The following RBFOX1 variants were observed in gnomAD, a reference collection of about 807,000 sequenced individuals.
RBFOX1 encodes RNA binding protein fox-1 homolog 1.
A neutral mutation model predicts 57.7 loss-of-function variants in RBFOX1; 8 were observed. The ratio of observed to expected loss-of-function variants is 0.14; its 90% CI spans 0.08 to 0.25. RBFOX1 has a LOEUF of 0.25. RBFOX1 is among the 10% of genes least tolerant of loss of function. RBFOX1 has a pLI of 1.00. For missense variants in RBFOX1, 611 were observed against 548.5 expected (o/e 1.11, Z -1.14); for synonymous variants, 326 against 222.4 (o/e 1.47, Z -4.15).
At chr16:6,065,775 C>T (rs372308384) in intron 1 of RBFOX1, among the ~76,000 whole-genome samples, 1 of 152,176 alleles carries the variant, frequency 6.6e-6, no homozygotes, top group South Asian at 2.1e-4. Flanking sequence ...ATAACAGCCT[C>T]ATGGGATGAA....
intron 4 of RBFOX1, among the ~76,000 whole-genome samples, chr16:5,988,810 T>G (rs1202478294): frequency 2.0e-5 from 3 of 152,094 alleles, no homozygotes; most frequent in East Asian, 1.9e-4. Flanking sequence ...AAATTCAGCT[T>G]AAATGCATAG....
intron 3 of RBFOX1, among the ~76,000 whole-genome samples, chr16:5,735,289 A>C (rs1339360755): frequency 1.3e-5 from 2 of 152,200 alleles, no homozygotes; most frequent in Non-Finnish European, 2.9e-5. Context: ...CATGGCTTCC[A>C]TTACTCAAAC....
intron 2 of RBFOX1, among the ~76,000 whole-genome samples, chr16:6,562,243 AAGACCTGATTACC>A (rs1379735707): frequency 1.3e-5 from 2 of 152,234 alleles, no homozygotes; most frequent in Non-Finnish European, 2.9e-5. Context: ...TAACCACTTT[AAGACCTGATTACC>A]TTATCTGTAC....
intron 1 of RBFOX1, among the ~76,000 whole-genome samples, chr16:5,383,109 A>G (rs1380082920): frequency 6.6e-6 from 1 of 152,238 alleles, no homozygotes; most frequent in Non-Finnish European, 1.5e-5. Flanking sequence ...TGGATGTTCC[A>G]TCTGCCTAAT....
At chr16:6,539,690 C>A (rs150638234) in intron 2 of RBFOX1, among the ~76,000 whole-genome samples, 3 of 151,782 alleles carry the variant, frequency 2.0e-5, no homozygotes, top group South Asian at 4.2e-4. Context: ...CCCAGCTCCA[C>A]GGGAGGCTGA....
intron 2 of RBFOX1, among the ~76,000 whole-genome samples, chr16:5,527,472 G>A (rs541199845): frequency 1.3e-5 from 2 of 152,306 alleles, no homozygotes; most frequent in South Asian, 2.1e-4. Flanking sequence ...GATGAAAAGA[G>A]CTTCTCTGTG....
At chr16:5,987,483 C>G (rs957633132) in intron 4 of RBFOX1, among the ~76,000 whole-genome samples, 13 of 152,112 alleles carry the variant, frequency 8.5e-5, no homozygotes, top group Admixed American at 8.5e-4. Flanking sequence ...TTATATTTTT[C>G]AAAGCTTTTT....
intron 3 of RBFOX1, among the ~76,000 whole-genome samples, chr16:6,997,363 G>A (rs972008166): frequency 5.9e-5 from 9 of 152,102 alleles, no homozygotes; most frequent in African/African-American, 1.9e-4. Context: ...TGACTTAAAG[G>A]TACAATTGTC....
At chr16:7,423,535 T>C (rs2098567397) in intron 4 of RBFOX1, among the ~76,000 whole-genome samples, 1 of 152,080 alleles carries the variant, frequency 6.6e-6, no homozygotes, top group African/African-American at 2.4e-5. Flanking sequence ...AAAACTTCTG[T>C]CACCATCTGT....
chr16:5,423,317 C>G (rs569378293), intron 1 of RBFOX1, among the ~76,000 whole-genome samples: 1 of 152,104 alleles, frequency 6.6e-6, no homozygotes, highest in African/African-American at 2.4e-5. Context: ...TTCACTGTCA[C>G]CGGTTTTCAC....
chr16:7,080,057 T>A (rs62014094), intron 4 of RBFOX1, among the ~76,000 whole-genome samples: 1 of 130,750 alleles, frequency 7.6e-6, no homozygotes, highest in African/African-American at 2.8e-5. Flanking sequence ...TATATATACA[T>A]ATTATATATA....
intron 4 of RBFOX1, among the ~76,000 whole-genome samples, chr16:7,209,416 C>G (rs1396542989): frequency 1.3e-5 from 2 of 152,178 alleles, no homozygotes; most frequent in Non-Finnish European, 2.9e-5. Context: ...CTAGTGACCT[C>G]ATTTTAACTT....
At chr16:5,959,134 G>A (rs1454848353) in intron 4 of RBFOX1, among the ~76,000 whole-genome samples, 1 of 152,194 alleles carries the variant, frequency 6.6e-6, no homozygotes, top group Non-Finnish European at 1.5e-5. Flanking sequence ...GTGTAAGGAG[G>A]TCAAGGACAG....
chr16:5,596,703 T>C (rs916482114), intron 2 of RBFOX1, among the ~76,000 whole-genome samples: 2 of 152,184 alleles, frequency 1.3e-5, no homozygotes, highest in Non-Finnish European at 2.9e-5. Context: ...GGTCCATCTA[T>C]AAAGTGGGAC....
At position 6,061,520 on chromosome 16, in the gene RBFOX1, T is replaced by A. The variant is rs539026993; in HGVS notation, c.-127+41528T>A. 3.2e-4 allele frequency among the ~76,000 whole-genome samples: 49 copies of A among 151,756 alleles called. 1 individual carries two copies. Among genetic ancestry groups the A allele is most frequent in the African/African-American group, 1.2e-3 (49 of 41,436 alleles). On this transcript the variant is annotated intron_variant, in intron 1 of 15. Transcript: ENST00000550418. Reference sequence around the variant, plus strand: ...TGGTAATATAGTATATTGTTACAAATATCTGAAAATATATAATGTAATTAT... The same window carrying A: ...TGGTAATATAGTATATTGTTACAAAAATCTGAAAATATATAATGTAATTAT...
intron 3 of RBFOX1, among the ~76,000 whole-genome samples, chr16:6,853,186 C>G (rs1567563692): frequency 6.6e-6 from 1 of 152,116 alleles, no homozygotes; most frequent in Non-Finnish European, 1.5e-5. Context: ...TAAAAGGAGA[C>G]TAATACTGGT....
chr16:6,568,259 A>C (rs2110612), intron 2 of RBFOX1, among the ~76,000 whole-genome samples: 145,277 of 152,228 alleles, frequency 0.95, 69,687 homozygotes, highest in East Asian at 1. Flanking sequence ...GTGGTTCAGT[A>C]CATCAGCTGG....
intron 3 of RBFOX1, among the ~76,000 whole-genome samples, chr16:7,000,992 C>G (rs928597427): frequency 3.9e-5 from 6 of 152,186 alleles, no homozygotes; most frequent in East Asian, 1.9e-4. Flanking sequence ...TTATCAGTCA[C>G]TAGCAACCAT....
At chr16:7,206,487 G>GCA (rs61191143) in intron 4 of RBFOX1, among the ~76,000 whole-genome samples, 15,144 of 150,068 alleles carry the variant, frequency 0.1, 830 homozygotes, top group African/African-American at 0.11. Context: ...ATATATATAT[G>GCA]CACACACACA....
Sources: allele counts gnomAD v4.1 joint callset (sites outside exome capture counted in the v4.1 genomes callset), GRCh38; gene constraint gnomAD v4.1.1; transcripts MANE v1.5; gene names NCBI Gene and HGNC (gene_info 2026-07-23, HGNC 2026-07-21).